NUMB: variants seen among roughly 807,000 people sequenced by gnomAD.
The protein encoded by NUMB is protein numb homolog.
NUMB carries 29 observed loss-of-function variants against 59.7 expected under a neutral mutation model. The ratio of observed to expected loss-of-function variants is 0.49; its 90% CI spans 0.36 to 0.66. The LOEUF (loss-of-function observed/expected upper bound fraction) is 0.66, where lower values mean the gene tolerates loss of function less well. Ranked by LOEUF, NUMB falls within the 30% of genes least tolerant of loss-of-function variation. NUMB has a pLI of 0.00. For missense variants in NUMB, 723 were observed against 822.0 expected, an observed-to-expected ratio of 0.88 and a Z score of 1.47; for synonymous variants, 288 against 288.2, an observed-to-expected ratio of 1.00 and a Z score of 0.01.
At chr14:73,406,096 T>TA (rs200576894) in intron 2 of NUMB, among the ~76,000 whole-genome samples, 8,856 of 136,328 alleles carry the variant, frequency 0.065, 727 homozygotes, top group African/African-American at 0.2. Flanking sequence ...ATTTTTGTTT[T>TA]TTTTTTTTTT....
chr14:73,358,060 G>A lies in NUMB; in HGVS notation c.-15-2294C>T, dbSNP rs938403742. 6.6e-5 allele frequency among the ~76,000 whole-genome samples: 10 copies of A among 152,048 alleles called. No homozygotes were observed. In the South Asian group the frequency reaches 1.7e-3, roughly 25 times the overall value. ...GCCTTTCTCTGGCCTGATTTTACCC[G>A]GACTGATTTTACCTCCTTAGTAGCT... On this transcript the variant is annotated intron_variant, in intron 3 of 12. Coordinates refer to ENST00000555238, the MANE Select transcript of NUMB (RefSeq NM_001005743.2).
At chr14:73,289,663 A>G (rs1001027243) in intron 8 of NUMB, among the ~76,000 whole-genome samples, 4 of 152,198 alleles carry the variant, frequency 2.6e-5, no homozygotes, top group Non-Finnish European at 4.4e-5. Flanking sequence ...CTTTTTAAAA[A>G]TTTTTAAACT....
At chr14:73,441,957 T>A (rs1408018458) in intron 1 of NUMB, among the ~76,000 whole-genome samples, 1 of 152,132 alleles carries the variant, frequency 6.6e-6, no homozygotes, top group Non-Finnish European at 1.5e-5. Flanking sequence ...TCATTCTCAC[T>A]GCTGGTGAGA....
chr14:73,283,961 C>T, intron 10 of NUMB, 120 bp downstream of exon 10: 6 of 928,046 alleles, frequency 6.5e-6, no homozygotes, highest in Non-Finnish European at 9.9e-6. Flanking sequence ...AAAGATACAA[C>T]TATCAACGAA....
At chr14:73,372,011 C>A (rs1008414344) in intron 2 of NUMB, among the ~76,000 whole-genome samples, 12 of 151,882 alleles carry the variant, frequency 7.9e-5, no homozygotes, top group Non-Finnish European at 1.6e-4. Flanking sequence ...GTGGGAGGAT[C>A]ACTTGAGGTC....
intron 2 of NUMB, among the ~76,000 whole-genome samples, chr14:73,367,754 AAC>A (rs767827300): frequency 3.4e-5 from 5 of 147,798 alleles, no homozygotes; most frequent in Non-Finnish European, 7.4e-5. Flanking sequence ...CAGCCTGGAC[AAC>A]AGAGTGAGAC....
At chr14:73,438,334 T>C (rs577258723) in intron 1 of NUMB, among the ~76,000 whole-genome samples, 75 of 152,242 alleles carry the variant, frequency 4.9e-4, no homozygotes, top group African/African-American at 1.7e-3. Context: ...CTTCAGCTGT[T>C]TTAAAATGTT....
chr14:73,331,942 A>AC (rs537034596), intron 4 of NUMB, among the ~76,000 whole-genome samples: 425 of 152,242 alleles, frequency 2.8e-3, no homozygotes, highest in Non-Finnish European at 5.2e-3. Flanking sequence ...CTAATACAGT[A>AC]CCCCAGCCGT....
At chr14:73,427,832 C>T (rs1897654573) in intron 1 of NUMB, among the ~76,000 whole-genome samples, 1 of 152,132 alleles carries the variant, frequency 6.6e-6, no homozygotes, top group Non-Finnish European at 1.5e-5. Context: ...CACGCTTAAA[C>T]CTTTTCTACT....
chr14:73,395,036 TTTGTG>T (rs1896053308), intron 2 of NUMB, among the ~76,000 whole-genome samples: 1 of 104,580 alleles, frequency 9.6e-6, no homozygotes, highest in African/African-American at 5.7e-5. Flanking sequence ...TATTCGTGTG[TTTGTG>T]TGTGTGTGTG....
chr14:73,290,984 T>C (rs1355791979), intron 8 of NUMB, among the ~76,000 whole-genome samples: 1 of 152,228 alleles, frequency 6.6e-6, no homozygotes, highest in African/African-American at 2.4e-5. Flanking sequence ...ACATAAAGAA[T>C]GAAATTATTC....
intron 11 of NUMB, among the ~76,000 whole-genome samples, chr14:73,280,081 C>T (rs1045667355): frequency 2.9e-4 from 44 of 152,082 alleles, no homozygotes; most frequent in African/African-American, 9.9e-4. Flanking sequence ...CACTTGAACC[C>T]GGGAGGCGGA....
Position 73,447,646 on chromosome 14 carries a change from C to G in NUMB, c.-233+10847G>C, listed in dbSNP as rs4899463. Among the ~76,000 whole-genome samples, 1,455 of 149,936 alleles carry G rather than the reference C, an allele frequency of 9.7e-3. 17 individuals carry two copies. Among genetic ancestry groups the G allele is most frequent in the South Asian group, 0.024 (114 of 4,758 alleles). The stretch of plus-strand genomic sequence containing the variant: ...AAAAAGGAAAAAAAAACAAACAAAC[C>G]TGCGCAACATAGAATGACCTCATCT... On this transcript the variant is annotated intron_variant, in intron 1 of 12. Transcript: ENST00000555238.
chr14:73,385,228 TA>T (rs1319623759), intron 2 of NUMB, among the ~76,000 whole-genome samples: 1 of 151,526 alleles, frequency 6.6e-6, no homozygotes, highest in African/African-American at 2.4e-5. Flanking sequence ...GGTATGATCA[TA>T]GCTCACTGCA....
intron 2 of NUMB, among the ~76,000 whole-genome samples, chr14:73,404,240 T>C (rs757334390): frequency 2.6e-4 from 37 of 143,896 alleles, no homozygotes; most frequent in Non-Finnish European, 3.9e-4. Context: ...AGGCTATGTC[T>C]CAAAAAACAA....
chr14:73,312,913 CAT>C (rs1890855320), intron 6 of NUMB, among the ~76,000 whole-genome samples: 1 of 151,772 alleles, frequency 6.6e-6, no homozygotes, highest in Admixed American at 6.6e-5. Flanking sequence ...AAACAGCTGA[CAT>C]ATGTATTCTG....
intron 1 of NUMB, among the ~76,000 whole-genome samples, chr14:73,434,571 G>T (rs1260175363): frequency 1.3e-5 from 2 of 152,084 alleles, no homozygotes; most frequent in South Asian, 2.1e-4. Context: ...ATCAAATTCA[G>T]AAAGTACCTC....
intron 4 of NUMB, among the ~76,000 whole-genome samples, chr14:73,354,850 T>A: frequency 2.8e-5 from 2 of 72,544 alleles, no homozygotes; most frequent in Non-Finnish European, 5.7e-5. Flanking sequence ...GAATATATAG[T>A]AAATAGTAAA....
Position 73,379,361 on chromosome 14 carries a change from T to C in NUMB, c.-100-12380A>G, listed in dbSNP as rs1368180811. Among the ~76,000 whole-genome samples the C allele has an allele frequency of 5.3e-5, 8 of 152,334 alleles. No homozygotes were observed. In the South Asian group the frequency reaches 6.2e-4, roughly 12 times the overall value. ...GTTCATTCATTCAACAAATTATGTA[T>C]TGACAACTAATTACAAGATAAGTAT... On this transcript the variant is annotated intron_variant, in intron 2 of 12. Transcript: ENST00000555238.
Sources: allele counts gnomAD v4.1 joint callset (sites outside exome capture counted in the v4.1 genomes callset), GRCh38; gene constraint gnomAD v4.1.1; transcripts MANE v1.5; gene names NCBI Gene and HGNC (gene_info 2026-07-23, HGNC 2026-07-21).